CSNK1G1: variants seen among roughly 807,000 people sequenced by gnomAD.
CSNK1G1 encodes casein kinase 1 gamma 1.
A neutral mutation model predicts 59.6 loss-of-function variants in CSNK1G1; 22 were observed. That is an observed-to-expected ratio of 0.37 (90% CI 0.26 to 0.53). The LOEUF is 0.53. CSNK1G1 is among the 20% of genes least tolerant of loss of function. CSNK1G1 has a pLI of 0.89. For missense variants in CSNK1G1, 384 were observed against 519.5 expected, an observed-to-expected ratio of 0.74 and a Z score of 2.54; for synonymous variants, 179 against 177.1, an observed-to-expected ratio of 1.01 and a Z score of -0.08.
chr15:64,252,222 T>A (rs751213417), intron 3 of CSNK1G1, among the ~76,000 whole-genome samples: 1 of 151,954 alleles, frequency 6.6e-6, no homozygotes, highest in African/African-American at 2.4e-5. Flanking sequence ...TGTAATAACA[T>A]ATTCCCATGG....
Position 64,171,395 on chromosome 15 carries a change from C to A in CSNK1G1, c.*536G>T, listed in dbSNP as rs2081662570. ...CCAGCTGGGATGAATGCTGCACAGG[C>A]ACAGAGGAAGAGGAAACCATACTGC... On this transcript the variant is annotated 3_prime_UTR_variant, in exon 12 of 12. Coordinates refer to ENST00000303052, the MANE Select transcript of CSNK1G1 (RefSeq NM_022048.5). The surrounding 1 kb of genome is among the most constrained non-coding windows in gnomAD (Gnocchi z 4.8). The A allele has an allele frequency of 6.3e-6, 1 of 157,844 alleles. No homozygotes were observed. Among genetic ancestry groups the A allele is most frequent in the Admixed American group, 6.1e-5 (1 of 16,362 alleles). 9.8% of individuals were successfully genotyped at this position (157,844 alleles called of 1,614,324 possible). A position where few individuals can be genotyped will look rare whatever the true frequency, so the allele number is the denominator to read the frequency against.
intron 2 of CSNK1G1, among the ~76,000 whole-genome samples, chr15:64,285,202 G>T (rs895707091): frequency 1.3e-5 from 2 of 151,988 alleles, no homozygotes; most frequent in African/African-American, 4.8e-5. Flanking sequence ...TCCACTTGAA[G>T]AAATAGAATG....
Position 64,171,022 on chromosome 15 carries a change from A to G in CSNK1G1, c.*909T>C, listed in dbSNP as rs1192797553. On this transcript the variant is annotated 3_prime_UTR_variant, in exon 12 of 12. Transcript: ENST00000303052. The surrounding 1 kb of genome is among the most constrained non-coding windows in gnomAD (Gnocchi z 4.8). ...TTCTCTTCTGGGTGCTGCAGATCAA[A>G]CTCTTTCCACTGAGAATGTCCTCTG... 6.6e-6 allele frequency: 1 copy of G among 152,132 alleles called. No individual in the cohort carries two copies. The highest frequency in any genetic ancestry group is 1.5e-5 in the Non-Finnish European group (1 of 67,898). The allele number at this position is 152,132 out of a possible 1,614,324, so 9.4% of individuals were successfully genotyped here.
At chr15:64,219,139 G>T (rs947734595) in intron 4 of CSNK1G1, among the ~76,000 whole-genome samples, 2 of 152,188 alleles carry the variant, frequency 1.3e-5, no homozygotes, top group African/African-American at 2.4e-5. Context: ...ACAGGCGTGA[G>T]CCACCACACC....
At chr15:64,245,728 G>A (rs148436468) in intron 4 of CSNK1G1, among the ~76,000 whole-genome samples, 292 of 150,734 alleles carry the variant, frequency 1.9e-3, no homozygotes, top group African/African-American at 6.9e-3. Flanking sequence ...AGTATAGCGA[G>A]ACCCCGGTTC....
At chr15:64,175,966 T>C (rs532273010) in intron 11 of CSNK1G1, among the ~76,000 whole-genome samples, 2 of 152,350 alleles carry the variant, frequency 1.3e-5, no homozygotes, top group African/African-American at 2.4e-5. Flanking sequence ...TATCTGGTTG[T>C]ATTAATTTGG....
At chr15:64,313,428 A>T (rs1422835651) in intron 1 of CSNK1G1, among the ~76,000 whole-genome samples, 1 of 152,218 alleles carries the variant, frequency 6.6e-6, no homozygotes, top group Admixed American at 6.5e-5. Flanking sequence ...CCATAAAAAA[A>T]GATGGGTTCA....
rs2140192060 is a variant in CSNK1G1, at chr15:64,168,924, A to G, written c.*3007T>C. 6.5e-6 allele frequency: 1 copy of G among 152,680 alleles called. No individual in the cohort carries two copies. The highest frequency in any genetic ancestry group is 1.5e-5 in the Non-Finnish European group (1 of 68,034). The allele number at this position is 152,680 out of a possible 1,614,324, so 9.5% of individuals were successfully genotyped here. On this transcript the variant is annotated 3_prime_UTR_variant, in exon 12 of 12. Transcript: ENST00000303052. Reference sequence around the variant, plus strand: ...TCTGGAGGGATCACCATTACTCTGCATGCTAAAGGGACCTGGGATTCTTTA... The same window carrying G: ...TCTGGAGGGATCACCATTACTCTGCGTGCTAAAGGGACCTGGGATTCTTTA...
chr15:64,280,554 ATTTCAC>A (rs975930202), intron 2 of CSNK1G1, among the ~76,000 whole-genome samples: 11 of 151,954 alleles, frequency 7.2e-5, no homozygotes, highest in Middle Eastern at 3.4e-3. Flanking sequence ...TAGAGACAGG[ATTTCAC>A]TGTGTTAGCC....
chr15:64,296,828 C>T (rs1384873706), intron 2 of CSNK1G1, among the ~76,000 whole-genome samples: 3 of 150,392 alleles, frequency 2.0e-5, no homozygotes, highest in Non-Finnish European at 4.4e-5. Flanking sequence ...TGTGCCACTG[C>T]ACTCTAGCCT....
At chr15:64,240,836 C>T (rs1005200414) in intron 4 of CSNK1G1, among the ~76,000 whole-genome samples, 3 of 151,784 alleles carry the variant, frequency 2.0e-5, no homozygotes, top group Admixed American at 6.6e-5. Flanking sequence ...CATAAAAATA[C>T]GTAAATCTAT....
chr15:64,345,776 G>C (rs144869542), intron 1 of CSNK1G1, among the ~76,000 whole-genome samples: 1 of 151,830 alleles, frequency 6.6e-6, no homozygotes, highest in South Asian at 2.1e-4. Context: ...CCTTATTAAC[G>C]CTTGTAGAAT....
At chr15:64,315,394 T>C (rs905966654) in intron 1 of CSNK1G1, among the ~76,000 whole-genome samples, 7 of 152,200 alleles carry the variant, frequency 4.6e-5, no homozygotes, top group Middle Eastern at 3.2e-3. Context: ...AGGTCACTGA[T>C]AGTCCAATAA....
chr15:64,336,391 C>A (rs1897391812), intron 1 of CSNK1G1, among the ~76,000 whole-genome samples: 1 of 152,190 alleles, frequency 6.6e-6, no homozygotes, highest in African/African-American at 2.4e-5. Context: ...AGGAATTCTA[C>A]TGAAGTCAGC....
rs1422538094 is a variant in CSNK1G1, at chr15:64,176,821, CACTT to C, written c.1214+3523_1214+3526del. Among the ~76,000 whole-genome samples, 1 of 152,210 alleles carries C rather than the reference CACTT, an allele frequency of 6.6e-6. No homozygotes were observed. The highest frequency in any genetic ancestry group is 2.4e-5 in the African/African-American group (1 of 41,448). ...AGAGAGGGAGAAAAGGTTTAAGCGACACTTACTTTATCTTATTAGAAGATGAATC... is the reference window on the plus strand; with the variant it reads ...AGAGAGGGAGAAAAGGTTTAAGCGACACTTTATCTTATTAGAAGATGAATC... On this transcript the variant is annotated intron_variant, in intron 11 of 11. Transcript: ENST00000303052. The surrounding 1 kb of genome is among the most constrained non-coding windows in gnomAD (Gnocchi z 5.2).
chr15:64,187,004 G>C (rs2081905380), intron 10 of CSNK1G1, among the ~76,000 whole-genome samples: 1 of 151,728 alleles, frequency 6.6e-6, no homozygotes, highest in African/African-American at 2.4e-5. Flanking sequence ...TGTATTTTTA[G>C]TAGAGACGGG....
intron 1 of CSNK1G1, chr15:64,342,466 T>C (rs757734763): frequency 6.6e-6 from 1 of 152,262 alleles, no homozygotes; most frequent in Non-Finnish European, 1.5e-5. Flanking sequence ...AGATTATGTC[T>C]GCATTTCCTC....
At chr15:64,278,163 C>T (rs1321369623) in intron 2 of CSNK1G1, among the ~76,000 whole-genome samples, 9 of 150,878 alleles carry the variant, frequency 6.0e-5, no homozygotes, top group Non-Finnish European at 3.0e-5. Flanking sequence ...TCTCCCACCT[C>T]GGCCTCCCGA....
intron 10 of CSNK1G1, chr15:64,181,151 T>TA (rs967343924): frequency 2.7e-5 from 40 of 1,483,312 alleles, no homozygotes; most frequent in Middle Eastern, 1.7e-4. Context: ...GGGAAGATGG[T>TA]AAAAAAACAC....
Sources: allele counts gnomAD v4.1 joint callset (sites outside exome capture counted in the v4.1 genomes callset), GRCh38; gene constraint gnomAD v4.1.1; non-coding constraint Gnocchi (gnomAD v3.1); transcripts MANE v1.5; gene names NCBI Gene and HGNC (gene_info 2026-07-23, HGNC 2026-07-21).